The following MS4A2 variants were observed in gnomAD, a reference collection of about 807,000 sequenced individuals.
MS4A2 encodes the protein membrane spanning 4-domains A2.
Under a neutral mutation model 27.9 loss-of-function variants are expected in MS4A2, and 26 were observed. That is an observed-to-expected ratio of 0.93 (90% CI 0.68 to 1.29). The LOEUF is 1.29. Among genes scored for constraint, MS4A2 ranks in the 50% most tolerant of loss-of-function variants. The probability of loss-of-function intolerance (pLI) is 0.00; values close to 1 mark genes in which losing one functional copy is unlikely to be tolerated. For missense variants in MS4A2, 284 were observed against 284.6 expected (o/e 1.00, Z 0.01); for synonymous variants, 110 against 98.8 (o/e 1.11, Z -0.67).
At chr11:60,094,403 G>A (rs571948575) in intron 6 of MS4A2, among the ~76,000 whole-genome samples, 19 of 152,292 alleles carry the variant, frequency 1.2e-4, no homozygotes, top group Middle Eastern at 6.8e-3. Context: ...AGAAGTAGCC[G>A]CCTATTCCTG....
intron 5 of MS4A2, 82 bp downstream of exon 5, chr11:60,093,640 C>A: frequency 6.5e-7 from 1 of 1,537,192 alleles, no homozygotes; most frequent in Non-Finnish European, 9.0e-7. Context: ...GTTCCATGAA[C>A]ACCATCCTTT....
chr11:60,094,087 C>G, intron 6 of MS4A2, 25 bp downstream of exon 6: 1 of 1,497,234 alleles, frequency 6.7e-7, no homozygotes. Context: ...GATATAAAAT[C>G]TTGAATGACA....
In MS4A2 at chr11:60,096,021, AG is replaced by A. The variant is rs1855863489; in HGVS notation, c.*368del. ...GACAGTTTGATAATATTTGGTTCTTAGGGTTTTTTTTTTTTTTTAGCATTCT... is the reference window on the plus strand; with the variant it reads ...GACAGTTTGATAATATTTGGTTCTTAGGTTTTTTTTTTTTTTTAGCATTCT... On this transcript the variant is annotated 3_prime_UTR_variant, in exon 7 of 7. Coordinates refer to ENST00000278888, the MANE Select transcript of MS4A2 (RefSeq NM_000139.5). The A allele has an allele frequency of 4.2e-6, 1 of 239,296 alleles. No homozygotes were observed. The allele number at this position is 239,296 out of a possible 1,614,324, so 14.8% of individuals were successfully genotyped here. A position where few individuals can be genotyped will look rare whatever the true frequency, so the allele number is the denominator to read the frequency against.
At chr11:60,094,615 C>T (rs960502043) in intron 6 of MS4A2, among the ~76,000 whole-genome samples, 2 of 152,152 alleles carry the variant, frequency 1.3e-5, no homozygotes, top group Non-Finnish European at 2.9e-5. Context: ...TCCATCTGTC[C>T]ACTTTCCTGA....
At position 60,095,803 on chromosome 11, in the gene MS4A2, C is replaced by A; in HGVS notation, c.*147C>A. 1.5e-6 allele frequency: 1 copy of A among 679,090 alleles called. No individual in the cohort carries two copies. Among genetic ancestry groups the A allele is most frequent in the South Asian group, 1.6e-5 (1 of 61,556 alleles). 42.1% of individuals were successfully genotyped at this position (679,090 alleles called of 1,614,324 possible). On this transcript the variant is annotated 3_prime_UTR_variant, in exon 7 of 7. Coordinates refer to ENST00000278888, the MANE Select transcript of MS4A2 (RefSeq NM_000139.5). ...TTCGCCTGATAAGAATATTTTGTTT[C>A]TGCTGCTTCTGTCCACCTTAATATT...
chr11:60,093,254 C>T (rs868585776), intron 4 of MS4A2, 146 bp from the exon 5 acceptor site: 19 of 932,398 alleles, frequency 2.0e-5, no homozygotes, highest in Admixed American at 1.5e-4. Context: ...TTAAACAATG[C>T]GGACATTTTC....
In MS4A2 at chr11:60,097,351, A is replaced by G. The variant is rs1479819425; in HGVS notation, c.*1695A>G. The stretch of plus-strand genomic sequence containing the variant: ...CTAGGCTTGGGCAAGAGAAAAGTCC[A>G]CAGTGATAAGCAACTCCACCTAAGG... On this transcript the variant is annotated 3_prime_UTR_variant, in exon 7 of 7. Coordinates refer to ENST00000278888, the MANE Select transcript of MS4A2 (RefSeq NM_000139.5). 2 of 152,272 alleles carry G rather than the reference A, an allele frequency of 1.3e-5. No individual in the cohort carries two copies. Among genetic ancestry groups the G allele is most frequent in the East Asian group, 1.9e-4 (1 of 5,208 alleles). 9.4% of individuals were successfully genotyped at this position (152,272 alleles called of 1,614,324 possible).
rs1200032408 is a variant in MS4A2 at position 60,090,459 on chromosome 11, G to A, written c.310G>A (p.Gly104Arg). 6.2e-7 allele frequency: 1 copy of A among 1,612,814 alleles called. No homozygotes were observed. The highest frequency in any genetic ancestry group is 2.2e-5 in the East Asian group (1 of 44,796). Reference sequence around the variant, plus strand: ...ATTTAAAGCAGGTTATCCATTCTGGGGAGCCATATTTGTGAGTATATATCT... The same window carrying A: ...ATTTAAAGCAGGTTATCCATTCTGGAGAGCCATATTTGTGAGTATATATCT... ...SSFKAGYPFW[G>R]AIFFSISGML... is the part of the protein sequence containing the mutation. Residue 104 changes from glycine (G) to arginine (R), a missense_variant, in exon 3 of 7, where the codon GGA becomes AGA. Gly to Arg is a moderately radical substitution (Grantham distance 125, BLOSUM62 -2). Transcript: ENST00000278888.
chr11:60,090,820 T>C (rs950496858), intron 3 of MS4A2, among the ~76,000 whole-genome samples: 5 of 152,176 alleles, frequency 3.3e-5, no homozygotes, highest in Non-Finnish European at 7.3e-5. Flanking sequence ...TCAATAAAGT[T>C]ATATGATAAA....
chr11:60,090,566 G>A (rs1590631203), intron 3 of MS4A2, 96 bp downstream of exon 3: 11 of 1,065,068 alleles, frequency 1.0e-5, no homozygotes, highest in Non-Finnish European at 1.2e-5. Context: ...GTATTAACAT[G>A]ATATTTATAA....
chr11:60,094,050 C>T lies in MS4A2; in HGVS notation c.624C>T (p.Leu208=). Residue 208 remains leucine, a synonymous_variant, in exon 6 of 7, where the codon CTC becomes CTT. Coordinates refer to ENST00000278888, the MANE Select transcript of MS4A2 (RefSeq NM_000139.5). ...SLTICGAGEE[L]KGNKVPEDRV... ...CAATCTGTGGAGCTGGGGAAGAACT[C>T]AAAGGAAACAAGGTAGATAGAAGCC... 1.2e-6 allele frequency: 2 copies of T among 1,611,280 alleles called. No individual in the cohort carries two copies. Among genetic ancestry groups the T allele is most frequent in the South Asian group, 2.2e-5 (2 of 90,992 alleles).
In MS4A2 at chr11:60,092,861, T is replaced by C; in HGVS notation, c.378+13T>C. The C allele has an allele frequency of 3.1e-6, 5 of 1,612,468 alleles. No homozygotes were observed. Among genetic ancestry groups the C allele is most frequent in the Non-Finnish European group, 4.2e-6 (5 of 1,178,666 alleles). On this transcript the variant is annotated intron_variant, in intron 4 of 6. Transcript: ENST00000278888. The stretch of plus-strand genomic sequence containing the variant: ...TGCAACATATCTGGTGAGTTGCCCG[T>C]TTCTGTCTTTGTCCATCCTTGAAAA...
chr11:60,093,903 T>C (rs1157601614), intron 5 of MS4A2, 61 bp from the exon 6 acceptor site: 3 of 1,345,946 alleles, frequency 2.2e-6, no homozygotes, highest in Non-Finnish European at 3.2e-6. Context: ...TATAAGAAAA[T>C]AAACTTTTGG....
At chr11:60,088,857 C>A in intron 1 of MS4A2, 36 bp downstream of exon 1, 2 of 1,585,430 alleles carry the variant, frequency 1.3e-6, no homozygotes, top group South Asian at 2.3e-5. Flanking sequence ...TACCCTCAGT[C>A]ACTTAGTGGC....
At chr11:60,093,255 G>A (rs7128386) in intron 4 of MS4A2, 145 bp from the exon 5 acceptor site, 332 of 943,814 alleles carry the variant, frequency 3.5e-4, no homozygotes, top group African/African-American at 2.9e-3. Context: ...TAAACAATGC[G>A]GACATTTTCA....
chr11:60,090,502 A>G, intron 3 of MS4A2, 32 bp downstream of exon 3: 1 of 1,603,952 alleles, frequency 6.2e-7, no homozygotes, highest in Non-Finnish European at 8.5e-7. Context: ...TTTCTGAAAT[A>G]ACACTGAACA....
intron 5 of MS4A2, 117 bp downstream of exon 5, chr11:60,093,675 A>T: frequency 3.6e-6 from 5 of 1,406,586 alleles, no homozygotes; most frequent in Non-Finnish European, 5.0e-6. Context: ...TACACAGTAT[A>T]GTGGTTCTGT....
At chr11:60,092,102 A>G (rs1209316619) in intron 3 of MS4A2, among the ~76,000 whole-genome samples, 4 of 152,058 alleles carry the variant, frequency 2.6e-5, no homozygotes, top group Non-Finnish European at 4.4e-5. Flanking sequence ...AGACGATTGC[A>G]ATAGAATGAG....
At chr11:60,089,195 G>T (rs1335095344) in intron 1 of MS4A2, among the ~76,000 whole-genome samples, 1 of 152,064 alleles carries the variant, frequency 6.6e-6, no homozygotes, top group Non-Finnish European at 1.5e-5. Flanking sequence ...CTTCTTGATT[G>T]GTCTTTATAA....
Sources: gnomAD v4.1 joint callset for allele counts (sites outside exome capture counted in the v4.1 genomes callset) on GRCh38, gnomAD v4.1.1 for gene constraint, MANE v1.5 for transcripts, NCBI Gene and HGNC (gene_info 2026-07-23, HGNC 2026-07-21) for gene names.